Variants in JAM2 observed in about 807,000 individuals in gnomAD.
JAM2 encodes junctional adhesion molecule 2, also known as junctional adhesion molecule B.
Under a neutral mutation model 42.0 loss-of-function variants are expected in JAM2, and 17 were observed. That is an observed-to-expected ratio of 0.40 (90% confidence interval 0.28 to 0.61). The LOEUF is 0.61. Ranked by LOEUF, JAM2 falls within the 20% of genes least tolerant of loss-of-function variation. The pLI is 0.37. For missense variants in JAM2, 319 were observed against 358.3 expected (o/e 0.89, Z 0.89); for synonymous variants, 118 against 128.6 (o/e 0.92, Z 0.56).
chr21:25,709,315 C>T (rs532264802), intron 7 of JAM2, 119 bp from the exon 8 acceptor site: 15 of 564,980 alleles, frequency 2.7e-5, no homozygotes, highest in Admixed American at 5.9e-5. Context: ...AAGGTATAAA[C>T]GTCAGCAAGT....
At chr21:25,709,980 G>C (rs2034349558) in intron 8 of JAM2, 1 of 152,490 alleles carries the variant, frequency 6.6e-6, no homozygotes, top group Admixed American at 6.5e-5. Flanking sequence ...TTCAACATAA[G>C]ATTTGGGCAA....
rs554997374 is a variant in JAM2, at chr21:25,665,946, A to T, written c.68-17937A>T. The stretch of plus-strand genomic sequence containing the variant: ...TTCCAGCTACTCGGGAGGCTGAGGC[A>T]GGAGAATCGCTTGAACCCAGGAGGC... On this transcript the variant is annotated intron_variant, in intron 1 of 9. Coordinates refer to ENST00000480456, the MANE Select transcript of JAM2 (RefSeq NM_021219.4). Among the ~76,000 whole-genome samples, 3 of 152,194 alleles carry T rather than the reference A, an allele frequency of 2.0e-5. No homozygotes were observed. In the East Asian group the frequency reaches 5.8e-4, roughly 29 times the overall value.
At chr21:25,653,235 A>G (rs1049614327) in intron 1 of JAM2, among the ~76,000 whole-genome samples, 2 of 152,188 alleles carry the variant, frequency 1.3e-5, no homozygotes, top group African/African-American at 2.4e-5. Flanking sequence ...GGATAATAAT[A>G]TAAACTATTC....
chr21:25,696,271 C>G (rs1315159452), intron 4 of JAM2, among the ~76,000 whole-genome samples: 4 of 152,248 alleles, frequency 2.6e-5, no homozygotes, highest in South Asian at 2.1e-4. Context: ...GCCTGCAATC[C>G]CAGGCGCTCG....
chr21:25,664,128 C>G (rs28378780), intron 1 of JAM2, among the ~76,000 whole-genome samples: 9,173 of 152,338 alleles, frequency 0.06, 306 homozygotes, highest in Middle Eastern at 0.092. Flanking sequence ...ATTCAGCTCA[C>G]TGCACATTGC....
chr21:25,666,315 T>TTTTTTATTATTATTATTA (rs1555862732), intron 1 of JAM2, among the ~76,000 whole-genome samples: 13 of 146,612 alleles, frequency 8.9e-5, no homozygotes, highest in Admixed American at 8.2e-4. Context: ...TGTTACGGCT[T>TTTTTTATTATTATTATTA]TTATTATTAT....
chr21:25,669,502 C>T (rs2033307521), intron 1 of JAM2, among the ~76,000 whole-genome samples: 1 of 152,120 alleles, frequency 6.6e-6, no homozygotes. Flanking sequence ...GTTCTATCTG[C>T]GTCACCACAT....
intron 1 of JAM2, among the ~76,000 whole-genome samples, chr21:25,676,176 T>A (rs1166493993): frequency 6.6e-6 from 1 of 150,662 alleles, no homozygotes; most frequent in Non-Finnish European, 1.5e-5. Context: ...TAGTCCCAGC[T>A]ACTTGGGAGG....
intron 1 of JAM2, among the ~76,000 whole-genome samples, chr21:25,640,603 G>A (rs752668037): frequency 1.3e-5 from 2 of 152,206 alleles, no homozygotes; most frequent in Non-Finnish European, 2.9e-5. Context: ...TTTTAAACAG[G>A]ATTTTCACGG....
At chr21:25,701,823 T>A (rs2034172775) in intron 5 of JAM2, among the ~76,000 whole-genome samples, 1 of 152,148 alleles carries the variant, frequency 6.6e-6, no homozygotes, top group Non-Finnish European at 1.5e-5. Context: ...TTATAAATGA[T>A]GTTTCCTAGG....
intron 1 of JAM2, among the ~76,000 whole-genome samples, chr21:25,678,528 G>T (rs948213272): frequency 6.6e-6 from 1 of 152,174 alleles, no homozygotes; most frequent in Non-Finnish European, 1.5e-5. Context: ...CCCTTTCATG[G>T]TTCTTGAAAT....
chr21:25,702,075 CAAACTT>C (rs2034177417), intron 5 of JAM2, 89 bp from the exon 6 acceptor site: 2 of 573,128 alleles, frequency 3.5e-6, no homozygotes, highest in South Asian at 8.8e-5. Flanking sequence ...AAAGGAAAGA[CAAACTT>C]AATGCTAAAA....
intron 6 of JAM2, among the ~76,000 whole-genome samples, chr21:25,702,761 T>A (rs764687653): frequency 2.0e-5 from 3 of 152,214 alleles, no homozygotes; most frequent in East Asian, 1.9e-4. Flanking sequence ...TTTAAAAAAA[T>A]TCATCACAAC....
chr21:25,706,809 G>A (rs1046887559), intron 7 of JAM2, among the ~76,000 whole-genome samples: 1 of 151,892 alleles, frequency 6.6e-6, no homozygotes, highest in Non-Finnish European at 1.5e-5. Flanking sequence ...GCGCAATTTC[G>A]GCTCACTGCA....
chr21:25,647,013 A>G (rs2032634124), intron 1 of JAM2, among the ~76,000 whole-genome samples: 1 of 152,154 alleles, frequency 6.6e-6, no homozygotes, highest in African/African-American at 2.4e-5. Context: ...AAAATGCATA[A>G]CCTGGTCTGT....
chr21:25,699,723 A>T (rs1161337805), intron 5 of JAM2, among the ~76,000 whole-genome samples: 1 of 21,578 alleles, frequency 4.6e-5, no homozygotes, highest in Non-Finnish European at 8.1e-5. Context: ...GCTCCGTCTC[A>T]AAAAAAAAAA....
chr21:25,710,677 T>G (rs1191886422), intron 8 of JAM2, among the ~76,000 whole-genome samples: 2 of 152,130 alleles, frequency 1.3e-5, no homozygotes, highest in African/African-American at 4.8e-5. Flanking sequence ...TGGAACAGAA[T>G]GAGAGAAACA....
rs2034498667 is a variant in JAM2, at chr21:25,717,418, G to A, written c.*2746G>A. On this transcript the variant is annotated 3_prime_UTR_variant, in exon 10 of 10. Coordinates refer to ENST00000480456, the MANE Select transcript of JAM2 (RefSeq NM_021219.4). ...GCTTTGTTTTGTTTTAATTATTGTT[G>A]CTGTTGTAACTAGATTTAATTTATT... is the stretch of plus-strand genomic sequence containing the variant. The A allele has an allele frequency of 2.8e-6, 1 of 352,310 alleles. No individual in the cohort carries two copies. Among genetic ancestry groups the A allele is most frequent in the African/African-American group, 2.1e-5 (1 of 47,486 alleles). The allele number at this position is 352,310 out of a possible 1,614,324, so 21.8% of individuals were successfully genotyped here. A position where few individuals can be genotyped will look rare whatever the true frequency, so the allele number is the denominator to read the frequency against.
intron 1 of JAM2, among the ~76,000 whole-genome samples, chr21:25,656,902 T>C (rs1302908786): frequency 6.6e-6 from 1 of 152,204 alleles, no homozygotes; most frequent in African/African-American, 2.4e-5. Context: ...TGAGTAATGA[T>C]GAGACCAATC....
Sources: gnomAD v4.1 joint callset for allele counts (sites outside exome capture counted in the v4.1 genomes callset) on GRCh38, gnomAD v4.1.1 for gene constraint, MANE v1.5 for transcripts, NCBI Gene and HGNC (gene_info 2026-07-23, HGNC 2026-07-21) for gene names.